Variants in DGCR2 observed in about 807,000 individuals in gnomAD.
DGCR2 encodes DiGeorge syndrome critical region gene 2, also known as integral membrane protein DGCR2/IDD.
DGCR2 carries 24 observed loss-of-function variants against 51.6 expected under a neutral mutation model. That is an observed-to-expected ratio of 0.47 (90% CI 0.34 to 0.65). The LOEUF (loss-of-function observed/expected upper bound fraction) is 0.65. Among genes scored for constraint, DGCR2 ranks in the 30% least tolerant of loss-of-function variants. DGCR2 has a pLI of 0.01. For synonymous variants in DGCR2, 340 were observed against 315.4 expected (o/e 1.08, Z -0.82); for missense variants, 765 against 772.1 (o/e 0.99, Z 0.11).
chr22:19,059,896 C>T (rs570684889), intron 5 of DGCR2, among the ~76,000 whole-genome samples: 36 of 152,300 alleles, frequency 2.4e-4, no homozygotes, highest in African/African-American at 8.2e-4. Context: ...CCCCGGCCCC[C>T]GAGTCCCCCA....
intron 7 of DGCR2, among the ~76,000 whole-genome samples, chr22:19,043,291 C>T (rs1001035689): frequency 2.0e-5 from 3 of 152,260 alleles, no homozygotes; most frequent in African/African-American, 7.2e-5. Flanking sequence ...CAGCCCCCAA[C>T]ACACAGTATC....
chr22:19,078,954 G>A (rs2082908183), intron 2 of DGCR2, among the ~76,000 whole-genome samples: 1 of 152,088 alleles, frequency 6.6e-6, no homozygotes, highest in African/African-American at 2.4e-5. Context: ...TGTGGTTCAG[G>A]ACTTTTCTTT....
chr22:19,090,082 G>A (rs1001280013), intron 1 of DGCR2, among the ~76,000 whole-genome samples: 3 of 152,174 alleles, frequency 2.0e-5, no homozygotes, highest in Admixed American at 2.0e-4. Context: ...TGAAAAGTAC[G>A]CTGCAGAACA....
intron 5 of DGCR2, among the ~76,000 whole-genome samples, chr22:19,062,774 T>TATTCATTCTCTC (rs1569052709): frequency 8.8e-6 from 1 of 113,872 alleles, no homozygotes. Context: ...CACACATGCA[T>TATTCATTCTCTC]GCTCACTCTC....
intron 2 of DGCR2, among the ~76,000 whole-genome samples, chr22:19,068,956 AAGG>A (rs1243260595): frequency 6.6e-6 from 1 of 152,230 alleles, no homozygotes; most frequent in African/African-American, 2.4e-5. Flanking sequence ...CCTTGTGAAA[AAGG>A]AGAACCACAC....
chr22:19,118,952 C>T (rs539171064), intron 1 of DGCR2, among the ~76,000 whole-genome samples: 1 of 152,230 alleles, frequency 6.6e-6, no homozygotes, highest in Non-Finnish European at 1.5e-5. Context: ...AGTCTCCAAC[C>T]GTTCTTCCTC....
intron 2 of DGCR2, among the ~76,000 whole-genome samples, chr22:19,075,888 T>G (rs1185729938): frequency 6.6e-6 from 1 of 152,230 alleles, no homozygotes; most frequent in East Asian, 1.9e-4. Flanking sequence ...TGCTATGAAC[T>G]TGGGTGTACA....
chr22:19,112,984 T>A (rs2083332800), intron 1 of DGCR2, among the ~76,000 whole-genome samples: 1 of 144,378 alleles, frequency 6.9e-6, no homozygotes, highest in Admixed American at 6.9e-5. Flanking sequence ...CTACTGATGC[T>A]GTTGGGAGCC....
At chr22:19,115,930 T>C (rs2083368638) in intron 1 of DGCR2, among the ~76,000 whole-genome samples, 1 of 152,266 alleles carries the variant, frequency 6.6e-6, no homozygotes, top group South Asian at 2.1e-4. Context: ...TCCTGAACTC[T>C]ATCTGTGATT....
At chr22:19,075,406 C>T (rs2082864092) in intron 2 of DGCR2, among the ~76,000 whole-genome samples, 1 of 151,558 alleles carries the variant, frequency 6.6e-6, no homozygotes, top group Non-Finnish European at 1.5e-5. Context: ...GAGATCGTGC[C>T]ACTGCACTCC....
chr22:19,036,556 C>T lies in DGCR2; in HGVS notation c.*2309G>A, dbSNP rs1449418372. ...GTGACCCCGGGACTTGCTGGTCAGA[C>T]TGGGGACTGCAGCAGGCCTTGCAAA... On this transcript the variant is annotated 3_prime_UTR_variant, in exon 10 of 10. Coordinates refer to ENST00000263196, the MANE Select transcript of DGCR2 (RefSeq NM_005137.3). 6.6e-6 allele frequency: 1 copy of T among 152,398 alleles called. No individual in the cohort carries two copies. The highest frequency in any genetic ancestry group is 1.5e-5 in the Non-Finnish European group (1 of 68,092). 9.4% of individuals were successfully genotyped at this position (152,398 alleles called of 1,614,324 possible).
rs1022657259 is a variant in DGCR2, at chr22:19,117,641, G to A, written c.79+4487C>T. ...TATGCACATACACATGGAAGATGAG[G>A]GATAAGGCAAATAAGGTAAAATGCC... is the stretch of plus-strand genomic sequence containing the variant. On this transcript the variant is annotated intron_variant, in intron 1 of 9. Coordinates refer to ENST00000263196, the MANE Select transcript of DGCR2 (RefSeq NM_005137.3). Among the ~76,000 whole-genome samples, 22 of 152,300 alleles carry A rather than the reference G, an allele frequency of 1.4e-4. No homozygotes were observed. The East Asian group carries it at 4.0e-3, about 28-fold the overall frequency.
intron 2 of DGCR2, among the ~76,000 whole-genome samples, chr22:19,086,155 C>G (rs1244792176): frequency 6.6e-6 from 1 of 152,066 alleles, no homozygotes; most frequent in Admixed American, 6.6e-5. Context: ...TTAATTTGCT[C>G]AGAATCTCAA....
At chr22:19,063,168 G>A (rs552314461) in intron 5 of DGCR2, 34 bp downstream of exon 5, 6 of 1,603,612 alleles carry the variant, frequency 3.7e-6, no homozygotes, top group Non-Finnish European at 4.3e-6. Context: ...ACTCTGCCCA[G>A]CTTCAAACAC....
Position 19,038,812 on chromosome 22 carries a change from G to A in DGCR2, c.*53C>T. ...CTTTCAAGTCTCCCCAGGGACCGGT[G>A]TTTTCTACAACAGACAGGTGCTCCC... On this transcript the variant is annotated 3_prime_UTR_variant, in exon 10 of 10. Transcript: ENST00000263196. 1.3e-6 allele frequency: 2 copies of A among 1,583,104 alleles called. No homozygotes were observed. Among genetic ancestry groups the A allele is most frequent in the Non-Finnish European group, 1.7e-6 (2 of 1,161,440 alleles).
intron 5 of DGCR2, chr22:19,060,605 T>C (rs2082650057): frequency 9.5e-6 from 2 of 209,978 alleles, no homozygotes; most frequent in South Asian, 1.2e-4. Flanking sequence ...GGGAAGGCCC[T>C]GGGAGCAGCA....
intron 2 of DGCR2, among the ~76,000 whole-genome samples, chr22:19,081,354 T>C (rs576645289): frequency 1.4e-3 from 212 of 152,370 alleles, no homozygotes; most frequent in African/African-American, 4.9e-3. Flanking sequence ...CACATGTGTA[T>C]GTATCTATAA....
intron 4 of DGCR2, among the ~76,000 whole-genome samples, chr22:19,063,500 A>T (rs372364546): frequency 6.7e-6 from 1 of 148,900 alleles, no homozygotes; most frequent in African/African-American, 2.5e-5. Context: ...CACCACGCCC[A>T]GCTAATTTTT....
intron 1 of DGCR2, among the ~76,000 whole-genome samples, chr22:19,090,060 T>C (rs1482497563): frequency 2.0e-5 from 3 of 152,306 alleles, no homozygotes; most frequent in Non-Finnish European, 4.4e-5. Context: ...ATAAAAACTG[T>C]AACACTTAAG....
Sources: allele counts gnomAD v4.1 joint callset (sites outside exome capture counted in the v4.1 genomes callset), GRCh38; gene constraint gnomAD v4.1.1; transcripts MANE v1.5; gene names NCBI Gene and HGNC (gene_info 2026-07-23, HGNC 2026-07-21).